Variants in MAGI2 observed in about 807,000 individuals in gnomAD.
MAGI2 encodes membrane associated guanylate kinase, WW and PDZ domain containing 2, also known as membrane-associated guanylate kinase, WW and PDZ domain-containing protein 2.
A neutral mutation model predicts 133.3 loss-of-function variants in MAGI2; 35 were observed. The observed-to-expected ratio is 0.26, with a 90% CI of 0.20 to 0.35. The LOEUF (loss-of-function observed/expected upper bound fraction) is 0.35, where lower values mean the gene tolerates loss of function less well. Among genes scored for constraint, MAGI2 ranks in the 10% least tolerant of loss-of-function variants. The pLI is 1.00. For missense variants in MAGI2, 1,636 were observed against 1,863.4 expected (o/e 0.88, Z 2.25); for synonymous variants, 729 against 710.6 (o/e 1.03, Z -0.41).
intron 2 of MAGI2, among the ~76,000 whole-genome samples, chr7:78,712,183 A>G (rs145235540): frequency 6.6e-6 from 1 of 152,340 alleles, no homozygotes; most frequent in African/African-American, 2.4e-5. Context: ...ACACTCGTCT[A>G]TGAACCAAGT....
At chr7:78,135,299 T>G in intron 16 of MAGI2, 93 bp from the exon 17 acceptor site, 1 of 1,051,478 alleles carries the variant, frequency 9.5e-7, no homozygotes, top group Non-Finnish European at 1.4e-6. Context: ...AATGTCAGAA[T>G]TCCTTCCTTC....
intron 1 of MAGI2, among the ~76,000 whole-genome samples, chr7:79,044,838 G>T (rs1250166622): frequency 1.3e-5 from 2 of 152,076 alleles, no homozygotes; most frequent in Non-Finnish European, 2.9e-5. Context: ...GTATAAAATG[G>T]CATAACCACT....
chr7:78,725,806 C>A (rs1820743183), intron 2 of MAGI2, among the ~76,000 whole-genome samples: 1 of 151,886 alleles, frequency 6.6e-6, no homozygotes, highest in Non-Finnish European at 1.5e-5. Context: ...CTCAATACAA[C>A]AACAACCACA....
chr7:78,617,424 C>G (rs747756696), intron 3 of MAGI2: 8 of 151,974 alleles, frequency 5.3e-5, no homozygotes, highest in Non-Finnish European at 1.0e-4. Flanking sequence ...ACAATTGATC[C>G]TGATTTTGTC....
At chr7:78,190,428 T>A (rs1230233260) in intron 12 of MAGI2, among the ~76,000 whole-genome samples, 2 of 152,352 alleles carry the variant, frequency 1.3e-5, no homozygotes, top group East Asian at 3.9e-4. Flanking sequence ...TAATGATGAT[T>A]ATTCCTTGAA....
At chr7:78,859,552 A>T (rs575592325) in intron 2 of MAGI2, among the ~76,000 whole-genome samples, 1 of 152,218 alleles carries the variant, frequency 6.6e-6, no homozygotes, top group East Asian at 1.9e-4. Flanking sequence ...TTCTTTAGGA[A>T]TGTTGAATAT....
rs115728999 is a variant in MAGI2, at chr7:79,106,504, A to G, written c.302-99298T>C. On this transcript the variant is annotated intron_variant, in intron 1 of 21. Coordinates refer to ENST00000354212, the MANE Select transcript of MAGI2 (RefSeq NM_012301.4). ...TTGTGATTGAATCAGGAAGAAAAAT[A>G]TGATAAAATATTATTATCACAACGA... 9.6e-3 allele frequency among the ~76,000 whole-genome samples: 1,468 copies of G among 152,342 alleles called. 15 individuals carry two copies. The highest frequency in any genetic ancestry group is 0.031 in the African/African-American group (1,293 of 41,574).
intron 1 of MAGI2, among the ~76,000 whole-genome samples, chr7:79,049,006 G>C (rs916417632): frequency 1.3e-5 from 2 of 152,100 alleles, no homozygotes; most frequent in African/African-American, 4.8e-5. Flanking sequence ...AAACTGTTCT[G>C]TTGCTATGGT....
intron 9 of MAGI2, among the ~76,000 whole-genome samples, chr7:78,281,270 G>A (rs1459431666): frequency 6.6e-6 from 1 of 151,866 alleles, no homozygotes; most frequent in African/African-American, 2.4e-5. Context: ...GCTTGGCTGT[G>A]TCCCCACCCA....
chr7:78,191,839 C>T (rs907398446), intron 12 of MAGI2, among the ~76,000 whole-genome samples: 1 of 152,092 alleles, frequency 6.6e-6, no homozygotes, highest in Non-Finnish European at 1.5e-5. Context: ...AGGAATACGT[C>T]TTTATTAAGA....
intron 1 of MAGI2, among the ~76,000 whole-genome samples, chr7:79,425,893 A>T (rs748798562): frequency 3.3e-5 from 5 of 152,088 alleles, no homozygotes; most frequent in Non-Finnish European, 7.4e-5. Context: ...GTTTAACGAC[A>T]ACAAAAAGCT....
chr7:78,376,820 T>C (rs576157287), intron 6 of MAGI2, among the ~76,000 whole-genome samples: 1 of 152,216 alleles, frequency 6.6e-6, no homozygotes, highest in Admixed American at 6.5e-5. Flanking sequence ...AAGGATGTTG[T>C]CTGGTAAAGA....
chr7:78,153,999 C>T (rs1452225125), intron 16 of MAGI2, among the ~76,000 whole-genome samples: 2 of 152,152 alleles, frequency 1.3e-5, no homozygotes, highest in African/African-American at 4.8e-5. Context: ...TACTTTGTGC[C>T]TCCTCTAATT....
rs573781486 is a variant in MAGI2, at chr7:78,670,573, T to C, written c.419-43334A>G. Among the ~76,000 whole-genome samples the C allele has an allele frequency of 2.0e-5, 3 of 152,210 alleles. No individual in the cohort carries two copies. In the East Asian group the frequency reaches 5.8e-4, roughly 29 times the overall value. On this transcript the variant is annotated intron_variant, in intron 2 of 21. Coordinates refer to ENST00000354212, the MANE Select transcript of MAGI2 (RefSeq NM_012301.4). ...CTTCACAGAATTGGAAAACATTACT[T>C]TAAAGTTCATATGGAACCAAAAAAG... is the stretch of plus-strand genomic sequence containing the variant.
At position 79,121,574 on chromosome 7, in the gene MAGI2, AC is replaced by A. The variant is rs756566764; in HGVS notation, c.302-114369del. Among the ~76,000 whole-genome samples, 7 of 152,170 alleles carry A rather than the reference AC, an allele frequency of 4.6e-5. No individual in the cohort carries two copies. In the South Asian group the frequency reaches 1.5e-3, roughly 32 times the overall value. On this transcript the variant is annotated intron_variant, in intron 1 of 21. Transcript: ENST00000354212. ...AATTCCAGTGGGATGACCCCCAGCT[AC>A]TGTATCGCAAATGCATTCACATCAA...
chr7:79,103,134 T>C (rs1818137508), intron 1 of MAGI2, among the ~76,000 whole-genome samples: 1 of 152,250 alleles, frequency 6.6e-6, no homozygotes, highest in Non-Finnish European at 1.5e-5. Flanking sequence ...ATTCTGTTTC[T>C]TTTGTTGAAT....
chr7:79,156,212 A>G (rs1375590032), intron 1 of MAGI2, among the ~76,000 whole-genome samples: 1 of 152,114 alleles, frequency 6.6e-6, no homozygotes, highest in African/African-American at 2.4e-5. Context: ...CTGCCATAAC[A>G]TTATGTAACA....
rs10262046 is a variant in MAGI2 at position 78,415,901 on chromosome 7, C to A, written c.1046-46688G>T. 2.0e-5 allele frequency among the ~76,000 whole-genome samples: 3 copies of A among 152,096 alleles called. No homozygotes were observed. The South Asian group carries it at 6.2e-4, about 32-fold the overall frequency. On this transcript the variant is annotated intron_variant, in intron 6 of 21. Transcript: ENST00000354212. The stretch of plus-strand genomic sequence containing the variant: ...TTCATCTTTGCAGCTGGGACACAAT[C>A]CAATCCTTTGTATGATGATGAGGCA...
At chr7:79,371,980 C>T (rs1843079483) in intron 1 of MAGI2, among the ~76,000 whole-genome samples, 1 of 152,156 alleles carries the variant, frequency 6.6e-6, no homozygotes, top group Admixed American at 6.6e-5. Flanking sequence ...GCATGCTTTA[C>T]AGGCATTATA....
Sources: allele counts gnomAD v4.1 joint callset (sites outside exome capture counted in the v4.1 genomes callset), GRCh38; gene constraint gnomAD v4.1.1; transcripts MANE v1.5; gene names NCBI Gene and HGNC (gene_info 2026-07-23, HGNC 2026-07-21).